DOP1B: variants seen among roughly 807,000 people sequenced by gnomAD.
DOP1B encodes DOP1 leucine zipper like protein B.
A neutral mutation model predicts 233.5 loss-of-function variants in DOP1B; 174 were observed. That is an observed-to-expected ratio of 0.75 (90% CI 0.66 to 0.85). The LOEUF (loss-of-function observed/expected upper bound fraction) is 0.85, where lower values mean the gene tolerates loss of function less well. Ranked by LOEUF, DOP1B falls within the 40% of genes least tolerant of loss-of-function variation. The pLI is 0.00. For synonymous variants in DOP1B, 1,190 were observed against 1,185.6 expected, an observed-to-expected ratio of 1.00 and a Z score of -0.08; for missense variants, 2,652 against 2,846.6, an observed-to-expected ratio of 0.93 and a Z score of 1.56.
At chr21:36,273,498 G>A (rs1224141951) in intron 27 of DOP1B, among the ~76,000 whole-genome samples, 3 of 152,154 alleles carry the variant, frequency 2.0e-5, no homozygotes, top group Non-Finnish European at 4.4e-5. Context: ...GAAAGTAAGA[G>A]TAATGTGATA....
In DOP1B at chr21:36,246,556, T is replaced by A. The variant is rs752075683; in HGVS notation, c.4576T>A (p.Ser1526Thr). The A allele has an allele frequency of 2.6e-5, 42 of 1,614,040 alleles. No individual in the cohort carries two copies. The highest frequency in any genetic ancestry group is 3.2e-5 in the Non-Finnish European group (38 of 1,180,042). The change falls in exon 19 of 37, where the codon TCC becomes ACC. Residue 1526 changes from serine (S) to threonine (T), a missense_variant. Physicochemically the swap from Ser to Thr is moderately conservative, Grantham distance 58. Coordinates refer to ENST00000691173, the MANE Select transcript of DOP1B (RefSeq NM_001320714.2). This position sits in a 1 kb window ranked among gnomAD's most constrained non-coding sequence, Gnocchi z 5.1. ...GGCCTGGGTGAGCTTGGTCACGCAT[T>A]CCTTGCCCTACTTCGGAAAGTCCCT... ...HPAWVSLVTH[S>T]LPYFGKSLGW...
At chr21:36,251,127 T>C (rs1227219060) in intron 21 of DOP1B, 35 bp from the exon 22 acceptor site, 1 of 1,598,750 alleles carries the variant, frequency 6.3e-7, no homozygotes, top group South Asian at 1.1e-5. Context: ...GCCCCAATAT[T>C]ACTCTGCAGT....
intron 10 of DOP1B, among the ~76,000 whole-genome samples, chr21:36,222,654 T>TA (rs1438147110): frequency 6.6e-6 from 1 of 152,186 alleles, no homozygotes; most frequent in Admixed American, 6.5e-5. Flanking sequence ...TGTACCATGT[T>TA]ATTCCACCAG....
At chr21:36,223,171 A>G (rs972795744) in intron 10 of DOP1B, 60 bp from the exon 11 acceptor site, 2 of 1,520,072 alleles carry the variant, frequency 1.3e-6, no homozygotes, top group Non-Finnish European at 1.8e-6. Context: ...TTTTTTGGAC[A>G]CTTTTTGTAA....
chr21:36,283,301 G>A (rs970456787), intron 32 of DOP1B, among the ~76,000 whole-genome samples: 10 of 151,826 alleles, frequency 6.6e-5, no homozygotes, highest in African/African-American at 1.5e-4. Context: ...CAGGCTGGTC[G>A]CGAACTCCTG....
rs143858219 is a variant in DOP1B at position 36,179,849 on chromosome 21, A to G, written c.138+14978A>G. ...TTTCACGACTCTGAATAAAGCTGTA[A>G]TGAACATCTTTACGCACGTGGCTAT... On this transcript the variant is annotated intron_variant, in intron 2 of 36. Coordinates refer to ENST00000691173, the MANE Select transcript of DOP1B (RefSeq NM_001320714.2). Among the ~76,000 whole-genome samples the G allele has an allele frequency of 4.6e-5, 7 of 152,286 alleles. No individual in the cohort carries two copies. In the East Asian group the frequency reaches 1.4e-3, roughly 29 times the overall value.
At chr21:36,218,503 A>G (rs2066586278) in intron 9 of DOP1B, among the ~76,000 whole-genome samples, 1 of 152,186 alleles carries the variant, frequency 6.6e-6, no homozygotes, top group Non-Finnish European at 1.5e-5. Flanking sequence ...AGCCTGGGCA[A>G]CAGAGCAAGA....
chr21:36,241,686 T>C (rs576336337), intron 18 of DOP1B, among the ~76,000 whole-genome samples: 12 of 107,328 alleles, frequency 1.1e-4, no homozygotes, highest in Non-Finnish European at 2.0e-4. Context: ...TTTTTTTTTC[T>C]TTCTTTCTTT....
At chr21:36,253,715 T>C in intron 22 of DOP1B, 57 bp from the exon 23 acceptor site, 2 of 1,577,082 alleles carry the variant, frequency 1.3e-6, no homozygotes, top group South Asian at 2.3e-5. Flanking sequence ...GGATGTGTCA[T>C]CCTTATTTTT....
At chr21:36,253,575 G>A (rs1173859155) in intron 22 of DOP1B, among the ~76,000 whole-genome samples, 197 bp from the exon 23 acceptor site, 8 of 151,692 alleles carry the variant, frequency 5.3e-5, no homozygotes, top group Non-Finnish European at 8.8e-5. Context: ...TTAGCTGGGC[G>A]TGGTGGTGGC....
At chr21:36,226,490 G>C (rs564869918) in intron 12 of DOP1B, among the ~76,000 whole-genome samples, 1 of 152,036 alleles carries the variant, frequency 6.6e-6, no homozygotes, top group East Asian at 1.9e-4. Flanking sequence ...GTAGAGACAG[G>C]GTTTCACCAT....
chr21:36,275,555 G>A (rs943877424), intron 27 of DOP1B, among the ~76,000 whole-genome samples: 1 of 151,502 alleles, frequency 6.6e-6, no homozygotes, highest in Admixed American at 6.6e-5. Flanking sequence ...GGAGGCGGAG[G>A]CTGCAGTGAG....
chr21:36,252,788 G>A (rs1050404586), intron 22 of DOP1B, among the ~76,000 whole-genome samples: 8 of 152,306 alleles, frequency 5.3e-5, no homozygotes, highest in South Asian at 4.1e-4. Context: ...GGGATTACAG[G>A]CGTGAGCCCA....
chr21:36,199,354 G>T (rs1460114645), intron 3 of DOP1B, 103 bp downstream of exon 3: 2 of 1,423,056 alleles, frequency 1.4e-6, no homozygotes, highest in Admixed American at 2.3e-5. Context: ...GCGTAGGGCT[G>T]TGTGTGCAAC....
chr21:36,213,954 G>T, intron 7 of DOP1B, 127 bp from the exon 8 acceptor site: 1 of 725,122 alleles, frequency 1.4e-6, no homozygotes. Flanking sequence ...GGTCTTTCTG[G>T]ATCTGATTTT....
intron 4 of DOP1B, 71 bp from the exon 5 acceptor site, chr21:36,208,644 C>T (rs2066456578): frequency 3.4e-6 from 5 of 1,485,358 alleles, no homozygotes; most frequent in African/African-American, 2.9e-5. Context: ...ATGCAGCATT[C>T]GCAGAGCAGT....
In DOP1B at chr21:36,251,185, C is replaced by A; in HGVS notation, c.5022C>A (p.Asp1674Glu). The change falls in exon 22 of 37, where the codon GAC becomes GAA. Residue 1674 changes from aspartate to glutamate, a missense_variant. Asp to Glu is a conservative substitution (Grantham distance 45, BLOSUM62 2). Coordinates refer to ENST00000691173, the MANE Select transcript of DOP1B (RefSeq NM_001320714.2). ...TTKTIRQKILDFLNPLTAHLG... is the reference protein window; with the variant it reads ...TTKTIRQKILEFLNPLTAHLG... ...AGACCATAAGACAAAAAATTTTAGA[C>A]TTCTTAAACCCCTTGACGGCCCATC... The A allele has an allele frequency of 2.5e-6, 4 of 1,612,322 alleles. No individual in the cohort carries two copies. The highest frequency in any genetic ancestry group is 3.4e-6 in the Non-Finnish European group (4 of 1,179,672).
rs1259363298 is a variant in DOP1B, at chr21:36,246,254, A to G, written c.4274A>G (p.Asn1425Ser). The G allele has an allele frequency of 1.2e-6, 2 of 1,613,748 alleles. No individual in the cohort carries two copies. The highest frequency in any genetic ancestry group is 1.7e-6 in the Non-Finnish European group (2 of 1,180,036). The change falls in exon 19 of 37, where the codon AAC becomes AGC. Residue 1425 changes from asparagine to serine, a missense_variant. Asn to Ser is a conservative substitution (Grantham distance 46). Transcript: ENST00000691173. This position sits in a 1 kb window ranked among gnomAD's most constrained non-coding sequence, Gnocchi z 5.1. ...EDSLFEESLI[N>S]LGQDQIWSEH... ...AGCCTCTTTGAGGAGAGTCTCATTAACTTGGGTCAGGACCAGATCTGGAGT... is the reference window on the plus strand; with the variant it reads ...AGCCTCTTTGAGGAGAGTCTCATTAGCTTGGGTCAGGACCAGATCTGGAGT...
chr21:36,235,898 A>G (rs1290229210), intron 15 of DOP1B, among the ~76,000 whole-genome samples: 2 of 151,628 alleles, frequency 1.3e-5, no homozygotes, highest in East Asian at 2.0e-4. Context: ...AAAAAGTTAT[A>G]TATCAGAATT....
Sources: allele counts gnomAD v4.1 joint callset (sites outside exome capture counted in the v4.1 genomes callset), GRCh38; gene constraint gnomAD v4.1.1; non-coding constraint Gnocchi (gnomAD v3.1); transcripts MANE v1.5; gene names NCBI Gene and HGNC (gene_info 2026-07-23, HGNC 2026-07-21).